The following HS6ST1 variants were observed in gnomAD, a reference collection of about 807,000 sequenced individuals.
HS6ST1 encodes heparan-sulfate 6-O-sulfotransferase 1.
In HS6ST1, 3 loss-of-function variants were observed where a neutral mutation model predicts 25.2. That is an observed-to-expected ratio of 0.12 (90% CI 0.05 to 0.31). HS6ST1 has a LOEUF of 0.31. HS6ST1 is among the 10% of genes least tolerant of loss of function. The pLI is 1.00. For synonymous variants in HS6ST1, 204 were observed against 275.1 expected (o/e 0.74, Z 2.56); for missense variants, 310 against 609.6 (o/e 0.51, Z 5.18).
chr2:128,280,782 T>G (rs1318501993), intron 1 of HS6ST1, among the ~76,000 whole-genome samples: 1 of 152,120 alleles, frequency 6.6e-6, no homozygotes, highest in African/African-American at 2.4e-5. Context: ...AGGTGCTGTG[T>G]GGGCACAGGG....
intron 1 of HS6ST1, among the ~76,000 whole-genome samples, chr2:128,295,300 C>T (rs1404062316): frequency 1.3e-5 from 2 of 152,198 alleles, no homozygotes; most frequent in East Asian, 3.9e-4. Flanking sequence ...GGGTACCACT[C>T]CTCTCCGTTT....
At chr2:128,313,987 G>T (rs989446891) in intron 1 of HS6ST1, among the ~76,000 whole-genome samples, 2 of 151,380 alleles carry the variant, frequency 1.3e-5, no homozygotes. Context: ...TGAAAATCTA[G>T]GAGCATCTTG....
At chr2:128,316,932 C>T (rs568102272) in intron 1 of HS6ST1, among the ~76,000 whole-genome samples, 34 of 152,280 alleles carry the variant, frequency 2.2e-4, no homozygotes, top group Non-Finnish European at 4.6e-4. Context: ...CCCAAGAGTG[C>T]CAGCCAACAC....
At chr2:128,297,120 T>C (rs1211128830) in intron 1 of HS6ST1, among the ~76,000 whole-genome samples, 1 of 152,160 alleles carries the variant, frequency 6.6e-6, no homozygotes, top group African/African-American at 2.4e-5. Flanking sequence ...TGGACTCCCA[T>C]TTCCTGATTT....
intron 1 of HS6ST1, among the ~76,000 whole-genome samples, chr2:128,314,399 T>C (rs1048189808): frequency 6.6e-6 from 1 of 152,064 alleles, no homozygotes; most frequent in African/African-American, 2.4e-5. Flanking sequence ...ATGAGGGCAG[T>C]GCCAAGGTGG....
Position 128,273,649 on chromosome 2 carries a change from C to T in HS6ST1, c.528-4779G>A, listed in dbSNP as rs73956959. 3.4e-3 allele frequency among the ~76,000 whole-genome samples: 524 copies of T among 152,374 alleles called. 6 individuals are homozygous for T. The highest frequency in any genetic ancestry group is 0.014 in the Middle Eastern group (4 of 294). On this transcript the variant is annotated intron_variant, in intron 1 of 1. Coordinates refer to ENST00000259241, the MANE Select transcript of HS6ST1 (RefSeq NM_004807.3). ...CTGCAGGCACTGCTGGCCACAGGCA[C>T]GTCCTGGCCATCCTCTGGTCTGGTG... is the stretch of plus-strand genomic sequence containing the variant.
intron 1 of HS6ST1, among the ~76,000 whole-genome samples, chr2:128,293,420 G>A (rs1035315165): frequency 2.0e-5 from 3 of 152,382 alleles, no homozygotes; most frequent in South Asian, 2.1e-4. Flanking sequence ...AGTAACTGTG[G>A]CGGCTGCCAC....
rs936581168 is a variant in HS6ST1 at position 128,267,835 on chromosome 2, C to G, written c.*327G>C. The G allele has an allele frequency of 2.1e-6, 1 of 467,548 alleles. No individual in the cohort carries two copies. Among genetic ancestry groups the G allele is most frequent in the Admixed American group, 3.5e-5 (1 of 28,286 alleles). The allele number at this position is 467,548 out of a possible 1,614,324, so 29.0% of individuals were successfully genotyped here. ...GGTCCACTTTCCGCTGTCCTCGTCT[C>G]TTGCGCAAACCTTCAGTTTTTGCGA... On this transcript the variant is annotated 3_prime_UTR_variant, in exon 2 of 2. Coordinates refer to ENST00000259241, the MANE Select transcript of HS6ST1 (RefSeq NM_004807.3).
At chr2:128,311,547 A>G (rs1694289675) in intron 1 of HS6ST1, among the ~76,000 whole-genome samples, 1 of 152,234 alleles carries the variant, frequency 6.6e-6, no homozygotes, top group Non-Finnish European at 1.5e-5. Context: ...GATTGAGCCC[A>G]GTCCTGCTGC....
chr2:128,289,822 AC>A lies in HS6ST1; in HGVS notation c.528-20953del, dbSNP rs1573699093. 2.0e-5 allele frequency: 3 copies of A among 152,364 alleles called. No homozygotes were observed. In the East Asian group the frequency reaches 5.8e-4, roughly 29 times the overall value. 9.4% of individuals were successfully genotyped at this position (152,364 alleles called of 1,614,324 possible). A position where few individuals can be genotyped will look rare whatever the true frequency, so the allele number is the denominator to read the frequency against. ...CTTTCACCAACCACAGGCCAGAGGCACCAGGAGAACATGTAAGAGATAGAGA... is the reference window on the plus strand; with the variant it reads ...CTTTCACCAACCACAGGCCAGAGGCACAGGAGAACATGTAAGAGATAGAGA... On this transcript the variant is annotated intron_variant, in intron 1 of 1. Coordinates refer to ENST00000259241, the MANE Select transcript of HS6ST1 (RefSeq NM_004807.3).
chr2:128,268,984 C>A, intron 1 of HS6ST1, 114 bp from the exon 2 acceptor site: 1 of 795,040 alleles, frequency 1.3e-6, no homozygotes, highest in Non-Finnish European at 2.1e-6. Context: ...CCTCTAATGC[C>A]AACCAACTCC....
At chr2:128,272,006 C>T (rs765137085) in intron 1 of HS6ST1, among the ~76,000 whole-genome samples, 1 of 152,232 alleles carries the variant, frequency 6.6e-6, no homozygotes, top group Non-Finnish European at 1.5e-5. Context: ...GTCCCCTGGG[C>T]GTTCAGATGG....
At position 128,268,218 on chromosome 2, in the gene HS6ST1, C is replaced by T. The variant is rs751970243; in HGVS notation, c.1180G>A (p.Glu394Lys). 2.7e-5 allele frequency: 44 copies of T among 1,609,770 alleles called. 1 individual carries two copies. The East Asian group carries it at 4.7e-4, about 17-fold the overall frequency. The stretch of plus-strand genomic sequence containing the variant: ...TCCTCGGTGGGCACGCGGCCCGGCT[C>T]GTCGGCATCCTCCCGCGGCAGTGCC... ...KEALPREDAD[E>K]PGRVPTEDYM... Residue 394 changes from glutamate to lysine, a missense_variant, in exon 2 of 2, where the codon GAG (glutamate) becomes AAG (lysine). Physicochemically the swap from Glu to Lys is moderately conservative, Grantham distance 56. Transcript: ENST00000259241.
In HS6ST1 at chr2:128,287,402, T is replaced by C. The variant is rs530724652; in HGVS notation, c.528-18532A>G. ...GAGGGTGAACGAGACCCCCAGCAGG[T>C]CCCCTGACGGGCTGCTTCTCCAACA... On this transcript the variant is annotated intron_variant, in intron 1 of 1. Transcript: ENST00000259241. 5.9e-5 allele frequency among the ~76,000 whole-genome samples: 9 copies of C among 152,266 alleles called. No individual in the cohort carries two copies. In the South Asian group the frequency reaches 1.9e-3, roughly 32 times the overall value.
At chr2:128,270,390 C>T (rs1239253503) in intron 1 of HS6ST1, among the ~76,000 whole-genome samples, 1 of 152,224 alleles carries the variant, frequency 6.6e-6, no homozygotes, top group Non-Finnish European at 1.5e-5. Context: ...CTTCACACGT[C>T]CCAAGGCACA....
At chr2:128,275,340 C>T (rs1693677142) in intron 1 of HS6ST1, among the ~76,000 whole-genome samples, 1 of 152,076 alleles carries the variant, frequency 6.6e-6, no homozygotes. Context: ...GAACGCTTCA[C>T]CTTCATCTAT....
intron 1 of HS6ST1, among the ~76,000 whole-genome samples, chr2:128,280,855 C>A (rs2104917434): frequency 6.6e-6 from 1 of 152,332 alleles, no homozygotes; most frequent in Admixed American, 6.5e-5. Context: ...CCAGAGAGCC[C>A]CCTCTTGCCT....
At chr2:128,288,055 C>T (rs1693892036) in intron 1 of HS6ST1, among the ~76,000 whole-genome samples, 2 of 152,342 alleles carry the variant, frequency 1.3e-5, no homozygotes, top group East Asian at 1.9e-4. Flanking sequence ...GGCACGCAGT[C>T]GAGCAGCAGG....
chr2:128,315,145 G>A (rs1229637224), intron 1 of HS6ST1, among the ~76,000 whole-genome samples: 2 of 152,208 alleles, frequency 1.3e-5, no homozygotes, highest in Admixed American at 6.5e-5. Context: ...CGGCAGATGA[G>A]GCAGCCCCCA....
Sources: gnomAD v4.1 joint callset for allele counts (sites outside exome capture counted in the v4.1 genomes callset) on GRCh38, gnomAD v4.1.1 for gene constraint, MANE v1.5 for transcripts, NCBI Gene and HGNC (gene_info 2026-07-23, HGNC 2026-07-21) for gene names.